Variants in AFF1 observed in about 807,000 individuals in gnomAD.
AFF1 encodes the protein ALF transcription elongation factor 1, also known as AF4/FMR2 family member 1.
AFF1 carries 48 observed loss-of-function variants against 121.7 expected under a neutral mutation model. The ratio of observed to expected loss-of-function variants is 0.39; its 90% CI spans 0.31 to 0.50. The LOEUF is 0.50. Among genes scored for constraint, AFF1 ranks in the 20% least tolerant of loss-of-function variants. The pLI, the probability that AFF1 is intolerant of heterozygous loss-of-function variation, is 0.76. For synonymous variants in AFF1, 613 were observed against 563.0 expected, an observed-to-expected ratio of 1.09 and a Z score of -1.26; for missense variants, 1,523 against 1,511.7, an observed-to-expected ratio of 1.01 and a Z score of -0.12.
chr4:86,968,285 G>T (rs17012216), intron 2 of AFF1, among the ~76,000 whole-genome samples: 26,479 of 151,938 alleles, frequency 0.17, 2,509 homozygotes, highest in East Asian at 0.31. Flanking sequence ...AGCTGATTAT[G>T]AGCTAGCAGA....
At chr4:87,132,004 A>G (rs1728874290) in intron 18 of AFF1, 140 bp downstream of exon 18, 3 of 810,848 alleles carry the variant, frequency 3.7e-6, no homozygotes, top group Non-Finnish European at 5.6e-6. Context: ...TTAATCCCTC[A>G]CTGATAGTAA....
rs768330902 is a variant in AFF1 at position 87,114,545 on chromosome 4, C to G, written c.1712C>G (p.Pro571Arg). ...CATTCTGAATCCAAAGATCCTCCCCCTAAAAGCTCCAGCAAAGCCCCCCGG... is the reference window on the plus strand; with the variant it reads ...CATTCTGAATCCAAAGATCCTCCCCGTAAAAGCTCCAGCAAAGCCCCCCGG... ...QEHSESKDPP[P>R]KSSSKAPRAP... The change falls in exon 12 of 21, where the codon CCT becomes CGT. Residue 571 changes from proline (P) to arginine (R), a missense_variant. Pro to Arg is a moderately radical substitution (Grantham distance 103, BLOSUM62 -2). Transcript: ENST00000395146. The G allele has an allele frequency of 3.7e-6, 6 of 1,611,450 alleles. No individual in the cohort carries two copies. The African/African-American group carries it at 4.0e-5, about 11-fold the overall frequency.
At chr4:86,987,019 T>A (rs1724339998) in intron 2 of AFF1, among the ~76,000 whole-genome samples, 2 of 151,872 alleles carry the variant, frequency 1.3e-5, no homozygotes, top group Non-Finnish European at 1.5e-5. Flanking sequence ...TTTCATATTA[T>A]TTTTTGTAGA....
intron 18 of AFF1, among the ~76,000 whole-genome samples, 167 bp from the exon 19 acceptor site, chr4:87,132,104 C>A (rs922736636): frequency 1.6e-4 from 25 of 152,118 alleles, no homozygotes; most frequent in Admixed American, 1.6e-3. Context: ...GTGTTTTCTA[C>A]CAGCATTTAC....
At chr4:86,952,775 G>A (rs760430644) in intron 2 of AFF1, among the ~76,000 whole-genome samples, 2 of 149,610 alleles carry the variant, frequency 1.3e-5, no homozygotes, top group Non-Finnish European at 3.0e-5. Context: ...CTGCCTCCCG[G>A]GTTCAAGCGT....
chr4:87,119,350 G>A (rs569095222), intron 12 of AFF1, among the ~76,000 whole-genome samples: 1 of 152,200 alleles, frequency 6.6e-6, no homozygotes, highest in East Asian at 1.9e-4. Context: ...AGGCTGAGGC[G>A]GGTGGATTGC....
chr4:87,131,065 C>G lies in AFF1; in HGVS notation c.2965-18C>G, dbSNP rs1445656106. 1.2e-6 allele frequency: 2 copies of G among 1,612,918 alleles called. No homozygotes were observed. Among genetic ancestry groups the G allele is most frequent in the Non-Finnish European group, 1.7e-6 (2 of 1,179,580 alleles). On this transcript the variant is annotated intron_variant, in intron 16 of 20. Coordinates refer to ENST00000395146, the MANE Select transcript of AFF1 (RefSeq NM_001166693.3). The stretch of plus-strand genomic sequence containing the variant: ...GGTTTGTCTTCAGCCTAACAATGAC[C>G]ATGTTCTTCTCCTGCAGACGGACAG...
At position 87,114,629 on chromosome 4, in the gene AFF1, A is replaced by C; in HGVS notation, c.1796A>C (p.Gln599Pro). 7.2e-7 allele frequency: 1 copy of C among 1,391,852 alleles called. No homozygotes were observed. Among genetic ancestry groups the C allele is most frequent in the South Asian group, 1.1e-5 (1 of 88,246 alleles). The allele number at this position is 1,391,852 out of a possible 1,614,324, so 86.2% of individuals were successfully genotyped here. Residue 599 changes from glutamine to proline, a missense_variant, in exon 12 of 21, where the codon CAG becomes CCG. Gln to Pro is a moderately conservative substitution (Grantham distance 76). Around this residue, in one of 5 missense-constraint regions of AFF1, gnomAD observed 905 missense variants for 842.5 expected, o/e 1.07. Transcript: ENST00000395146. The stretch of plus-strand genomic sequence containing the variant: ...AGCTGTCAGAAGTCTCCGGCACAGC[A>C]GGAGCCCCCACAAAGGCAAACCGTT... Reference protein sequence around the residue: ...KRSCQKSPAQQEPPQRQTVGT... With the variant: ...KRSCQKSPAQPEPPQRQTVGT...
In AFF1 at chr4:87,027,345, A is replaced by C. The variant is rs545213772; in HGVS notation, c.39-18821A>C. Among the ~76,000 whole-genome samples, 244 of 152,374 alleles carry C rather than the reference A, an allele frequency of 1.6e-3. No homozygotes were observed. The Middle Eastern group carries it at 0.02, about 13-fold the overall frequency. ...GTGCATGCACGGATACACATGTAAC[A>C]TGCACACTTCTGCTATTTCAGTTCT... On this transcript the variant is annotated intron_variant, in intron 2 of 20. Coordinates refer to ENST00000395146, the MANE Select transcript of AFF1 (RefSeq NM_001166693.3).
At chr4:86,983,552 T>C (rs753761932) in intron 2 of AFF1, among the ~76,000 whole-genome samples, 30 of 151,036 alleles carry the variant, frequency 2.0e-4, no homozygotes, top group Non-Finnish European at 4.0e-4. Flanking sequence ...AATTAAAAAA[T>C]AAAAATACTA....
intron 2 of AFF1, among the ~76,000 whole-genome samples, chr4:86,993,185 G>A (rs1724864065): frequency 6.6e-6 from 1 of 152,202 alleles, no homozygotes; most frequent in African/African-American, 2.4e-5. Flanking sequence ...ATTAGGTTTT[G>A]CTTGGATTCA....
intron 10 of AFF1, among the ~76,000 whole-genome samples, chr4:87,107,347 TTA>T (rs1578262275): frequency 6.6e-6 from 1 of 151,048 alleles, no homozygotes; most frequent in Non-Finnish European, 1.5e-5. Context: ...TGCTTTGAAA[TTA>T]TATATGTGTC....
chr4:86,966,241 G>A (rs1450150104), intron 2 of AFF1, among the ~76,000 whole-genome samples: 2 of 152,068 alleles, frequency 1.3e-5, no homozygotes, highest in East Asian at 1.9e-4. Flanking sequence ...TGTGTGCAGA[G>A]TGATATATAT....
At chr4:86,969,707 C>T (rs1166129767) in intron 2 of AFF1, among the ~76,000 whole-genome samples, 4 of 150,680 alleles carry the variant, frequency 2.7e-5, no homozygotes, top group Non-Finnish European at 5.9e-5. Flanking sequence ...GGTGAAACCC[C>T]GTCTCTACTA....
intron 4 of AFF1, among the ~76,000 whole-genome samples, chr4:87,057,535 C>T (rs1333246341): frequency 6.6e-6 from 1 of 151,902 alleles, no homozygotes; most frequent in Non-Finnish European, 1.5e-5. Flanking sequence ...GTATGAGTTC[C>T]ATACTCCTAC....
At chr4:87,041,463 C>T (rs966313921) in intron 2 of AFF1, among the ~76,000 whole-genome samples, 5 of 152,180 alleles carry the variant, frequency 3.3e-5, no homozygotes, top group African/African-American at 9.7e-5. Flanking sequence ...GGCCTACTGC[C>T]TTAGAAACTC....
At chr4:87,091,429 A>C (rs1469131668) in intron 6 of AFF1, among the ~76,000 whole-genome samples, 3 of 152,238 alleles carry the variant, frequency 2.0e-5, no homozygotes, top group Non-Finnish European at 4.4e-5. Context: ...AACAAAAAAA[A>C]CAGTGACTCA....
chr4:87,054,024 C>T (rs566402269), intron 4 of AFF1, among the ~76,000 whole-genome samples: 1 of 152,310 alleles, frequency 6.6e-6, no homozygotes, highest in East Asian at 1.9e-4. Context: ...GTGCCACTGG[C>T]TTATGCCACA....
chr4:86,986,945 G>A (rs559103916), intron 2 of AFF1, among the ~76,000 whole-genome samples: 1 of 152,032 alleles, frequency 6.6e-6, no homozygotes, highest in East Asian at 1.9e-4. Context: ...GGGTACAAGT[G>A]ATCCTCTGGC....
Sources: allele counts gnomAD v4.1 joint callset (sites outside exome capture counted in the v4.1 genomes callset), GRCh38; gene constraint gnomAD v4.1.1; regional missense constraint gnomAD v4.1.1; transcripts MANE v1.5; gene names NCBI Gene and HGNC (gene_info 2026-07-23, HGNC 2026-07-21).